The following PTPRK variants were observed in gnomAD, a reference collection of about 807,000 sequenced individuals.
The protein encoded by PTPRK is protein tyrosine phosphatase receptor type K.
Under a neutral mutation model 178.0 loss-of-function variants are expected in PTPRK, and 75 were observed. That is an observed-to-expected ratio of 0.42 (90% CI 0.35 to 0.51). The LOEUF is 0.51. Ranked by LOEUF, PTPRK falls within the 20% of genes least tolerant of loss-of-function variation. The pLI is 0.02. For missense variants in PTPRK, 1,441 were observed against 1,797.8 expected, an observed-to-expected ratio of 0.80 and a Z score of 3.59; for synonymous variants, 637 against 620.6, an observed-to-expected ratio of 1.03 and a Z score of -0.39.
chr6:128,169,049 G>C (rs548980824), intron 7 of PTPRK, among the ~76,000 whole-genome samples: 2 of 152,166 alleles, frequency 1.3e-5, no homozygotes, highest in East Asian at 3.9e-4. Context: ...GAAACAGAGA[G>C]CAGGGAGGGG....
At chr6:127,983,009 G>A (rs1269946052) in intron 23 of PTPRK, 29 bp from the exon 24 acceptor site, 1 of 1,585,384 alleles carries the variant, frequency 6.3e-7, no homozygotes, top group Non-Finnish European at 8.6e-7. Context: ...AGAAAATTTT[G>A]TACTAGTTTT....
intron 3 of PTPRK, among the ~76,000 whole-genome samples, chr6:128,298,772 G>T (rs1167569736): frequency 6.6e-6 from 1 of 152,046 alleles, no homozygotes; most frequent in Non-Finnish European, 1.5e-5. Flanking sequence ...CATACTGAAT[G>T]GGCAAAAACT....
intron 7 of PTPRK, among the ~76,000 whole-genome samples, chr6:128,168,209 T>C (rs1799692747): frequency 6.6e-6 from 1 of 152,084 alleles, no homozygotes; most frequent in African/African-American, 2.4e-5. Flanking sequence ...ATTTAATTCT[T>C]TCTTGCATTT....
chr6:128,494,867 G>A (rs1015468297), intron 1 of PTPRK, among the ~76,000 whole-genome samples: 2 of 152,130 alleles, frequency 1.3e-5, no homozygotes, highest in African/African-American at 4.8e-5. Flanking sequence ...AAGTATAGGG[G>A]AGAAAGTAAG....
chr6:128,370,915 G>T (rs775714054), intron 2 of PTPRK, among the ~76,000 whole-genome samples: 1 of 151,756 alleles, frequency 6.6e-6, no homozygotes, highest in Non-Finnish European at 1.5e-5. Context: ...TTCCCTTTTT[G>T]TCCTTTGTTA....
At chr6:128,241,781 C>CTTT (rs930513368) in intron 4 of PTPRK, among the ~76,000 whole-genome samples, 10 of 132,158 alleles carry the variant, frequency 7.6e-5, no homozygotes, top group African/African-American at 2.3e-4. Context: ...TGTTTGCTTT[C>CTTT]TTTTTTTTTT....
At chr6:128,321,367 G>C (rs1327004187) in intron 3 of PTPRK, 2 of 164,514 alleles carry the variant, frequency 1.2e-5, no homozygotes, top group Non-Finnish European at 2.6e-5. Flanking sequence ...TTTTTGTTAA[G>C]AGCATATAAA....
intron 7 of PTPRK, among the ~76,000 whole-genome samples, chr6:128,173,143 G>A (rs753764573): frequency 1.3e-5 from 2 of 152,002 alleles, no homozygotes; most frequent in African/African-American, 2.4e-5. Context: ...AATGCTCTGA[G>A]CTACCCATTC....
At chr6:128,245,816 A>C (rs1351925437) in intron 3 of PTPRK, among the ~76,000 whole-genome samples, 1 of 152,214 alleles carries the variant, frequency 6.6e-6, no homozygotes, top group East Asian at 1.9e-4. Flanking sequence ...AAAAACTTTA[A>C]ATAATGTATA....
chr6:128,503,183 G>A (rs935850264), intron 1 of PTPRK, among the ~76,000 whole-genome samples: 17 of 152,176 alleles, frequency 1.1e-4, no homozygotes, highest in African/African-American at 3.9e-4. Context: ...CCGAGATCGC[G>A]CCACTGCACT....
At chr6:128,396,207 T>C (rs1302342859) in intron 2 of PTPRK, among the ~76,000 whole-genome samples, 1 of 151,400 alleles carries the variant, frequency 6.6e-6, no homozygotes, top group Non-Finnish European at 1.5e-5. Flanking sequence ...ACTTACTCTT[T>C]TTGTAGAAAA....
chr6:128,321,840 G>C (rs533080145), intron 3 of PTPRK, 199 bp downstream of exon 3: 15 of 741,994 alleles, frequency 2.0e-5, no homozygotes, highest in Non-Finnish European at 2.9e-5. Flanking sequence ...TCAACAGGGT[G>C]GGGAAGAAAG....
intron 6 of PTPRK, among the ~76,000 whole-genome samples, chr6:128,209,804 T>C (rs1236230362): frequency 6.6e-6 from 1 of 152,108 alleles, no homozygotes; most frequent in African/African-American, 2.4e-5. Flanking sequence ...TGAGAGATCA[T>C]GGTATGTTAA....
At chr6:128,181,234 T>C (rs1801861577) in intron 7 of PTPRK, among the ~76,000 whole-genome samples, 1 of 152,068 alleles carries the variant, frequency 6.6e-6, no homozygotes, top group Non-Finnish European at 1.5e-5. Flanking sequence ...CAGATTTCCA[T>C]CAAATAAACA....
intron 1 of PTPRK, among the ~76,000 whole-genome samples, chr6:128,493,271 C>A (rs574595441): frequency 1.3e-5 from 2 of 152,238 alleles, no homozygotes; most frequent in Non-Finnish European, 2.9e-5. Context: ...CAATGTACCC[C>A]CCGCTAACTG....
intron 13 of PTPRK, among the ~76,000 whole-genome samples, chr6:128,019,568 C>T (rs558192886): frequency 3.8e-4 from 58 of 152,222 alleles, no homozygotes; most frequent in African/African-American, 1.3e-3. Flanking sequence ...GTTCCATGCC[C>T]CATCTTAAAC....
In PTPRK at chr6:128,111,521, G is replaced by A. The variant is rs186678710; in HGVS notation, c.1163-21529C>T. 3.6e-3 allele frequency among the ~76,000 whole-genome samples: 554 copies of A among 152,218 alleles called. 3 individuals are homozygous for A. Among genetic ancestry groups the A allele is most frequent in the African/African-American group, 0.013 (526 of 41,538 alleles). ...CTGCATACAAATGACAGTAAAAATT[G>A]CTATTTTACATCATTTTTCTGATAT... On this transcript the variant is annotated intron_variant, in intron 7 of 29. Coordinates refer to ENST00000368226, the MANE Select transcript of PTPRK (RefSeq NM_002844.4).
chr6:128,135,218 T>C (rs1459599857), intron 7 of PTPRK, among the ~76,000 whole-genome samples: 2 of 152,130 alleles, frequency 1.3e-5, no homozygotes, highest in Non-Finnish European at 2.9e-5. Flanking sequence ...CTAACCATGA[T>C]TGATGTGTGC....
chr6:128,251,532 C>T (rs1336286118), intron 3 of PTPRK, among the ~76,000 whole-genome samples: 1 of 152,142 alleles, frequency 6.6e-6, no homozygotes, highest in Admixed American at 6.6e-5. Flanking sequence ...ATTTTACTAT[C>T]TACAGGGAGT....
Sources: allele counts gnomAD v4.1 joint callset (sites outside exome capture counted in the v4.1 genomes callset), GRCh38; gene constraint gnomAD v4.1.1; transcripts MANE v1.5; gene names NCBI Gene and HGNC (gene_info 2026-07-23, HGNC 2026-07-21).